The following STX8 variants were observed in gnomAD, a reference collection of about 807,000 sequenced individuals.
STX8 encodes syntaxin 8.
Under a neutral mutation model 37.5 loss-of-function variants are expected in STX8, and 23 were observed. The ratio of observed to expected loss-of-function variants is 0.61; its 90% CI spans 0.44 to 0.87. The LOEUF is 0.87. Among genes scored for constraint, STX8 ranks in the 40% least tolerant of loss-of-function variants. The pLI, the probability that STX8 is intolerant of heterozygous loss-of-function variation, is 0.00. For synonymous variants in STX8, 115 were observed against 99.1 expected (o/e 1.16, Z -0.95); for missense variants, 313 against 284.7 (o/e 1.10, Z -0.71).
At chr17:9,474,012 G>C (rs902725153) in intron 6 of STX8, among the ~76,000 whole-genome samples, 6 of 152,154 alleles carry the variant, frequency 3.9e-5, no homozygotes, top group African/African-American at 1.4e-4. Context: ...TGGAGATCAA[G>C]GTCAGTCAAG....
chr17:9,300,645 A>G (rs543038321), intron 7 of STX8, among the ~76,000 whole-genome samples: 100 of 152,174 alleles, frequency 6.6e-4, no homozygotes, highest in Admixed American at 2.2e-3. Flanking sequence ...ATATCTGGCA[A>G]AGGACTTGGC....
intron 7 of STX8, among the ~76,000 whole-genome samples, chr17:9,311,773 T>C (rs1478340972): frequency 6.6e-6 from 1 of 152,220 alleles, no homozygotes; most frequent in Non-Finnish European, 1.5e-5. Context: ...TTCAATGAAA[T>C]AATACATCGA....
intron 6 of STX8, among the ~76,000 whole-genome samples, chr17:9,465,797 C>T (rs569287894): frequency 6.6e-6 from 1 of 152,162 alleles, no homozygotes; most frequent in South Asian, 2.1e-4. Context: ...ATACGCGATC[C>T]CATTTAGTTT....
At chr17:9,315,144 AC>A (rs1909339604) in intron 7 of STX8, among the ~76,000 whole-genome samples, 2 of 151,506 alleles carry the variant, frequency 1.3e-5, no homozygotes, top group Non-Finnish European at 2.9e-5. Flanking sequence ...AGTAACAAAA[AC>A]AAGAAAAAAA....
intron 5 of STX8, among the ~76,000 whole-genome samples, chr17:9,492,512 A>C (rs1451944293): frequency 6.6e-6 from 1 of 152,170 alleles, no homozygotes; most frequent in South Asian, 2.1e-4. Flanking sequence ...TGCCAATTCT[A>C]AGTCTAGGAA....
chr17:9,293,794 G>C (rs1481188858), intron 7 of STX8, among the ~76,000 whole-genome samples: 2 of 148,908 alleles, frequency 1.3e-5, no homozygotes, highest in East Asian at 2.0e-4. Flanking sequence ...TGGAGTCTCT[G>C]TCTGTCGCCC....
At chr17:9,319,474 T>C (rs1248552971) in intron 7 of STX8, among the ~76,000 whole-genome samples, 1 of 151,972 alleles carries the variant, frequency 6.6e-6, no homozygotes, top group African/African-American at 2.4e-5. Context: ...AAAAACTGCA[T>C]TATCGATACC....
In STX8 at chr17:9,428,985, C is replaced by A. The variant is rs73973747; in HGVS notation, c.542-50332G>T. Among the ~76,000 whole-genome samples, 460 of 152,156 alleles carry A rather than the reference C, an allele frequency of 3.0e-3. 4 individuals carry two copies. The highest frequency in any genetic ancestry group is 0.01 in the African/African-American group (423 of 41,532). On this transcript the variant is annotated intron_variant, in intron 6 of 7. Transcript: ENST00000306357. ...CCAATGAGGCACAAAACATGTTTTT[C>A]AAGTTCATAGCCCCATATTTCATGA... is the stretch of plus-strand genomic sequence containing the variant.
chr17:9,251,795 T>C (rs1191173556), intron 7 of STX8, among the ~76,000 whole-genome samples: 1 of 152,228 alleles, frequency 6.6e-6, no homozygotes, highest in African/African-American at 2.4e-5. Flanking sequence ...TCAATGTGGA[T>C]CAGGCCATAC....
At chr17:9,508,651 A>G (rs1415793229) in intron 4 of STX8, among the ~76,000 whole-genome samples, 1 of 152,226 alleles carries the variant, frequency 6.6e-6, no homozygotes, top group Non-Finnish European at 1.5e-5. Flanking sequence ...TTGAAGACAG[A>G]TCTTGTGAAA....
chr17:9,462,772 A>C (rs866829366), intron 6 of STX8, among the ~76,000 whole-genome samples: 1 of 152,220 alleles, frequency 6.6e-6, no homozygotes, highest in African/African-American at 2.4e-5. Context: ...ATAATAAAAC[A>C]TCCAATGAAA....
intron 2 of STX8, among the ~76,000 whole-genome samples, chr17:9,565,373 T>G (rs1907413887): frequency 1.3e-5 from 2 of 152,082 alleles, no homozygotes; most frequent in African/African-American, 4.8e-5. Context: ...CCCAGCACTT[T>G]GGGAGGCCGA....
At chr17:9,321,491 G>GA (rs922149370) in intron 7 of STX8, among the ~76,000 whole-genome samples, 12 of 151,100 alleles carry the variant, frequency 7.9e-5, no homozygotes, top group African/African-American at 1.7e-4. Context: ...GATAGAAAAA[G>GA]AAAAAAAATA....
intron 7 of STX8, among the ~76,000 whole-genome samples, chr17:9,333,262 C>G (rs536329094): frequency 2.0e-5 from 3 of 152,186 alleles, no homozygotes; most frequent in Non-Finnish European, 4.4e-5. Flanking sequence ...CTCTCTCCCC[C>G]ACAATAGTCC....
intron 6 of STX8, among the ~76,000 whole-genome samples, chr17:9,438,185 G>T (rs2142381516): frequency 6.8e-6 from 1 of 147,592 alleles, no homozygotes; most frequent in African/African-American, 2.5e-5. Flanking sequence ...GGAGGTTGCA[G>T]TGAGCCGAGA....
chr17:9,491,765 A>C (rs1906860310), intron 6 of STX8, 64 bp downstream of exon 6: 1 of 1,381,094 alleles, frequency 7.2e-7, no homozygotes, highest in African/African-American at 1.4e-5. Context: ...CTCATTCAAC[A>C]AATGCTCAAG....
intron 4 of STX8, among the ~76,000 whole-genome samples, chr17:9,526,538 T>C (rs1315071227): frequency 6.6e-6 from 1 of 151,944 alleles, no homozygotes; most frequent in African/African-American, 2.4e-5. Context: ...AGAACAGGCT[T>C]TTTAATTTCT....
At chr17:9,375,445 C>A (rs1391088009) in intron 7 of STX8, among the ~76,000 whole-genome samples, 1 of 152,168 alleles carries the variant, frequency 6.6e-6, no homozygotes, top group East Asian at 1.9e-4. Flanking sequence ...TCATGAGTGG[C>A]ATGTGCTGAG....
At chr17:9,529,052 T>C (rs967601283) in intron 4 of STX8, among the ~76,000 whole-genome samples, 5 of 152,170 alleles carry the variant, frequency 3.3e-5, no homozygotes, top group African/African-American at 1.2e-4. Context: ...GGGAAACCGT[T>C]ACAGAAAGAA....
Sources: gnomAD v4.1 joint callset for allele counts (sites outside exome capture counted in the v4.1 genomes callset) on GRCh38, gnomAD v4.1.1 for gene constraint, MANE v1.5 for transcripts, NCBI Gene and HGNC (gene_info 2026-07-23, HGNC 2026-07-21) for gene names.